NRG3: variants seen among roughly 807,000 people sequenced by gnomAD.
NRG3 encodes pro-neuregulin-3, membrane-bound isoform.
A neutral mutation model predicts 66.9 loss-of-function variants in NRG3; 31 were observed. The ratio of observed to expected loss-of-function variants is 0.46; its 90% CI spans 0.35 to 0.63. The LOEUF (loss-of-function observed/expected upper bound fraction) is 0.63. Ranked by LOEUF, NRG3 falls within the 20% of genes least tolerant of loss-of-function variation. The pLI is 0.00. For missense variants in NRG3, 910 were observed against 878.9 expected (o/e 1.04, Z -0.45); for synonymous variants, 393 against 359.4 (o/e 1.09, Z -1.06).
intron 2 of NRG3, among the ~76,000 whole-genome samples, chr10:82,359,185 A>G (rs921743691): frequency 6.6e-6 from 1 of 152,236 alleles, no homozygotes; most frequent in Non-Finnish European, 1.5e-5. Context: ...TGTGGAGCTT[A>G]GGCATATATC....
chr10:82,204,611 T>G (rs989162187), intron 1 of NRG3, among the ~76,000 whole-genome samples: 3 of 152,340 alleles, frequency 2.0e-5, no homozygotes, highest in Middle Eastern at 3.4e-3. Flanking sequence ...TCTTCATTTG[T>G]TTTCTCAGGC....
chr10:82,081,516 T>C (rs2065392487), intron 1 of NRG3, among the ~76,000 whole-genome samples: 1 of 152,168 alleles, frequency 6.6e-6, no homozygotes, highest in Admixed American at 6.5e-5. Context: ...GAATGATAGA[T>C]GATAGATTAT....
chr10:82,737,468 AC>A (rs1591364901), intron 2 of NRG3, among the ~76,000 whole-genome samples: 1 of 152,198 alleles, frequency 6.6e-6, no homozygotes, highest in Admixed American at 6.5e-5. Context: ...TCTTGACAGA[AC>A]GGCCTCTTTG....
intron 5 of NRG3, 64 bp from the exon 6 acceptor site, chr10:82,958,885 A>G (rs1850338080): frequency 6.8e-7 from 1 of 1,473,758 alleles, no homozygotes; most frequent in Non-Finnish European, 9.0e-7. Context: ...AATGAATGAG[A>G]CCCTGAAAGT....
intron 3 of NRG3, among the ~76,000 whole-genome samples, chr10:82,760,193 C>T (rs1495862): frequency 0.61 from 93,251 of 151,824 alleles, 31,415 homozygotes; most frequent in Non-Finnish European, 0.75. Flanking sequence ...AAACTAGCAC[C>T]ACAACCCCAG....
intron 2 of NRG3, among the ~76,000 whole-genome samples, chr10:82,542,390 T>C (rs936176691): frequency 2.6e-5 from 4 of 152,180 alleles, no homozygotes; most frequent in African/African-American, 9.7e-5. Flanking sequence ...TTATCAGGCA[T>C]CCCACTAGAA....
At chr10:82,291,980 T>C (rs1321139512) in intron 1 of NRG3, among the ~76,000 whole-genome samples, 1 of 152,192 alleles carries the variant, frequency 6.6e-6, no homozygotes, top group African/African-American at 2.4e-5. Context: ...AAGTCTACTT[T>C]ATCAAAATTT....
chr10:81,957,798 G>A (rs1849984347), intron 1 of NRG3, among the ~76,000 whole-genome samples: 2 of 152,180 alleles, frequency 1.3e-5, no homozygotes, highest in Non-Finnish European at 2.9e-5. Flanking sequence ...GTCAAATTGG[G>A]ATAATATCTA....
chr10:82,982,093 A>T (rs562013388), intron 8 of NRG3, among the ~76,000 whole-genome samples: 1 of 152,322 alleles, frequency 6.6e-6, no homozygotes, highest in East Asian at 1.9e-4. Context: ...TCAACAAGGA[A>T]TGTGAAGAAA....
intron 1 of NRG3, among the ~76,000 whole-genome samples, chr10:82,030,373 A>G (rs747547534): frequency 1.3e-5 from 2 of 152,144 alleles, no homozygotes; most frequent in Non-Finnish European, 2.9e-5. Flanking sequence ...GAGAGAATTC[A>G]GGAAACAGAC....
chr10:82,692,091 C>T (rs535112780), intron 2 of NRG3, among the ~76,000 whole-genome samples: 1 of 151,878 alleles, frequency 6.6e-6, no homozygotes, highest in South Asian at 2.1e-4. Context: ...GGCAAAACCC[C>T]CTCTCTACAA....
At chr10:82,239,399 G>A (rs745980082) in intron 1 of NRG3, among the ~76,000 whole-genome samples, 5 of 152,022 alleles carry the variant, frequency 3.3e-5, no homozygotes, top group Non-Finnish European at 7.4e-5. Flanking sequence ...CAGATGATCC[G>A]GCCGCCTTGG....
intron 1 of NRG3, among the ~76,000 whole-genome samples, chr10:82,311,920 A>G (rs1021379523): frequency 6.6e-6 from 1 of 152,186 alleles, no homozygotes; most frequent in Non-Finnish European, 1.5e-5. Context: ...CAACCACCTC[A>G]TCGTGATTAC....
At chr10:82,781,506 C>T (rs2060116521) in intron 3 of NRG3, among the ~76,000 whole-genome samples, 1 of 152,148 alleles carries the variant, frequency 6.6e-6, no homozygotes, top group South Asian at 2.1e-4. Flanking sequence ...GGCCTCATGC[C>T]AGGCTTAAAC....
chr10:82,590,497 T>A (rs1257862810), intron 2 of NRG3, among the ~76,000 whole-genome samples: 1 of 152,276 alleles, frequency 6.6e-6, no homozygotes, highest in Admixed American at 6.5e-5. Flanking sequence ...CAAAATGTGA[T>A]CCATGGACCT....
chr10:82,493,298 A>T (rs181008280), intron 2 of NRG3, among the ~76,000 whole-genome samples: 1 of 152,046 alleles, frequency 6.6e-6, no homozygotes, highest in African/African-American at 2.4e-5. Context: ...ACCCCCTAAC[A>T]GGCCCCAGTT....
At chr10:82,563,168 G>A (rs1428360627) in intron 2 of NRG3, among the ~76,000 whole-genome samples, 2 of 152,048 alleles carry the variant, frequency 1.3e-5, no homozygotes, top group Non-Finnish European at 2.9e-5. Flanking sequence ...AAACTTTGAT[G>A]AGATTATGAA....
intron 3 of NRG3, among the ~76,000 whole-genome samples, chr10:82,761,875 TC>T (rs1412789214): frequency 1.3e-5 from 2 of 151,512 alleles, no homozygotes; most frequent in African/African-American, 2.4e-5. Context: ...TTCCTTTTTT[TC>T]TTCTTTCTTC....
At chr10:82,890,322 A>C (rs1228603575) in intron 4 of NRG3, among the ~76,000 whole-genome samples, 1 of 152,160 alleles carries the variant, frequency 6.6e-6, no homozygotes, top group Non-Finnish European at 1.5e-5. Context: ...TTTAAAAGAC[A>C]GTCACTTGCC....
Sources: allele counts gnomAD v4.1 joint callset (sites outside exome capture counted in the v4.1 genomes callset), GRCh38; gene constraint gnomAD v4.1.1; transcripts MANE v1.5; gene names NCBI Gene and HGNC (gene_info 2026-07-23, HGNC 2026-07-21).